ESRRG: variants seen among roughly 807,000 people sequenced by gnomAD.
ESRRG encodes the protein estrogen related receptor gamma, also known as estrogen-related receptor gamma.
In ESRRG, 13 loss-of-function variants were observed where a neutral mutation model predicts 44.0. The ratio of observed to expected loss-of-function variants is 0.30; its 90% CI spans 0.19 to 0.47. The LOEUF is 0.47. Among genes scored for constraint, ESRRG ranks in the 20% least tolerant of loss-of-function variants. The pLI, the probability that ESRRG is intolerant of heterozygous loss-of-function variation, is 1.00. For synonymous variants in ESRRG, 215 were observed against 214.6 expected, an observed-to-expected ratio of 1.00 and a Z score of -0.02; for missense variants, 395 against 580.6, an observed-to-expected ratio of 0.68 and a Z score of 3.29.
At chr1:216,645,714 A>C (rs1252083056) in intron 3 of ESRRG, among the ~76,000 whole-genome samples, 1 of 151,822 alleles carries the variant, frequency 6.6e-6, no homozygotes, top group African/African-American at 2.4e-5. Flanking sequence ...TCTAAGGAAA[A>C]AATTAAAATA....
intron 2 of ESRRG, among the ~76,000 whole-genome samples, chr1:216,815,452 T>A (rs1576854163): frequency 6.6e-6 from 1 of 152,200 alleles, no homozygotes; most frequent in Non-Finnish European, 1.5e-5. Flanking sequence ...TTTGGCATTA[T>A]CTGGAAGGGC....
At chr1:217,121,336 A>G (rs1427051985) in intron 1 of ESRRG, among the ~76,000 whole-genome samples, 1 of 152,168 alleles carries the variant, frequency 6.6e-6, no homozygotes, top group African/African-American at 2.4e-5. Flanking sequence ...TCTGCAAAGC[A>G]ATTTGGACTT....
Position 216,568,116 on chromosome 1 carries a change from C to T in ESRRG, c.590-18G>A. ...ACGCACCCCTGTGAGCAAAGACAGG[C>T]ACCGGCTTACTATTAAGGTAGCTAT... On this transcript the variant is annotated intron_variant, in intron 3 of 6. Coordinates refer to ENST00000408911, the MANE Select transcript of ESRRG (RefSeq NM_001438.4). 2 of 1,539,660 alleles carry T rather than the reference C, an allele frequency of 1.3e-6. No homozygotes were observed. The highest frequency in any genetic ancestry group is 2.2e-5 in the East Asian group (1 of 44,488).
intron 1 of ESRRG, among the ~76,000 whole-genome samples, chr1:217,085,607 C>T (rs1172611317): frequency 2.0e-5 from 3 of 150,122 alleles, no homozygotes; most frequent in Non-Finnish European, 4.4e-5. Context: ...TCTCCTGCCT[C>T]AGCCTCCTGA....
chr1:216,850,794 T>G (rs1169018815), intron 2 of ESRRG, among the ~76,000 whole-genome samples: 1 of 152,028 alleles, frequency 6.6e-6, no homozygotes, highest in Non-Finnish European at 1.5e-5. Flanking sequence ...AAGTTTCATA[T>G]TTTTCATTGA....
intron 1 of ESRRG, among the ~76,000 whole-genome samples, chr1:216,718,001 T>C (rs563542200): frequency 9.2e-5 from 14 of 151,914 alleles, no homozygotes; most frequent in South Asian, 2.1e-4. Flanking sequence ...GTTTCTTTCC[T>C]ATTTTACAAA....
intron 1 of ESRRG, among the ~76,000 whole-genome samples, chr1:217,085,997 G>A (rs2092066152): frequency 6.6e-6 from 1 of 152,102 alleles, no homozygotes; most frequent in Non-Finnish European, 1.5e-5. Flanking sequence ...AGTGACAAGA[G>A]AAAACTTCTT....
At chr1:216,534,875 C>T (rs1289723760) in intron 5 of ESRRG, among the ~76,000 whole-genome samples, 8 of 152,160 alleles carry the variant, frequency 5.3e-5, no homozygotes, top group South Asian at 4.2e-4. Flanking sequence ...CATGTTGGCT[C>T]GTTTCACGAA....
intron 2 of ESRRG, among the ~76,000 whole-genome samples, chr1:216,920,608 T>C (rs2061720626): frequency 6.6e-6 from 1 of 152,196 alleles, no homozygotes; most frequent in African/African-American, 2.4e-5. Flanking sequence ...TATCATCTTG[T>C]GGTGGTTTGT....
intron 2 of ESRRG, among the ~76,000 whole-genome samples, chr1:216,743,939 GC>G (rs1447396535): frequency 6.6e-6 from 1 of 152,136 alleles, no homozygotes; most frequent in Admixed American, 6.5e-5. Context: ...GGAAACTTTT[GC>G]TCTTAATCAT....
At chr1:217,015,731 A>AATTTTTTTT (rs759911532) in intron 1 of ESRRG, among the ~76,000 whole-genome samples, 8,758 of 141,598 alleles carry the variant, frequency 0.062, 398 homozygotes, top group Non-Finnish European at 0.088. Context: ...GGGCAGCTAG[A>AATTTTTTTT]TTTTTTTTTT....
chr1:216,883,926 C>T (rs928151996), intron 2 of ESRRG, among the ~76,000 whole-genome samples: 3 of 152,174 alleles, frequency 2.0e-5, no homozygotes, highest in Admixed American at 2.0e-4. Context: ...TGCTAATGGG[C>T]TGTTCACTTA....
chr1:216,949,115 T>C (rs1183125863), intron 1 of ESRRG, among the ~76,000 whole-genome samples: 1 of 152,136 alleles, frequency 6.6e-6, no homozygotes, highest in Non-Finnish European at 1.5e-5. Flanking sequence ...ATTTATTATG[T>C]TTCCTGTTTT....
Position 216,729,223 on chromosome 1 carries a change from G to A in ESRRG, c.-13-51732C>T, listed in dbSNP as rs779530167. ...GTTTGGGGACCATATGATCCCGTGC[G>A]CTGAGGAAATTTTGGCTTGTGCCAG... On this transcript the variant is annotated intron_variant, in intron 2 of 7. Transcript: ENST00000359162. Among the ~76,000 whole-genome samples the A allele has an allele frequency of 3.3e-5, 5 of 152,178 alleles. No individual in the cohort carries two copies. In the East Asian group the frequency reaches 5.8e-4, roughly 18 times the overall value.
intron 3 of ESRRG, among the ~76,000 whole-genome samples, chr1:216,617,362 A>T (rs1257341172): frequency 1.3e-5 from 2 of 152,260 alleles, no homozygotes; most frequent in African/African-American, 4.8e-5. Flanking sequence ...AAGCAGTCCT[A>T]TTGTTAAAAA....
At chr1:217,095,407 T>C (rs2092408609) in intron 1 of ESRRG, among the ~76,000 whole-genome samples, 1 of 152,220 alleles carries the variant, frequency 6.6e-6, no homozygotes, top group Non-Finnish European at 1.5e-5. Context: ...TGGGCAAGTC[T>C]CTGTGTGCTA....
chr1:216,766,788 T>C (rs1272545963), intron 2 of ESRRG, among the ~76,000 whole-genome samples: 1 of 152,142 alleles, frequency 6.6e-6, no homozygotes, highest in Non-Finnish European at 1.5e-5. Context: ...GGCTCTACCT[T>C]ATCCATCACT....
chr1:216,846,927 GT>G (rs202164242), intron 2 of ESRRG, among the ~76,000 whole-genome samples: 2,932 of 152,084 alleles, frequency 0.019, 112 homozygotes, highest in African/African-American at 0.068. Flanking sequence ...CAGAAAGCAA[GT>G]TTCCAGGAGT....
chr1:216,869,477 A>T (rs756401473), intron 2 of ESRRG, among the ~76,000 whole-genome samples: 21 of 152,272 alleles, frequency 1.4e-4, no homozygotes, highest in African/African-American at 5.0e-4. Flanking sequence ...AAAATCAGAA[A>T]GTATGATTCC....
Sources: gnomAD v4.1 joint callset for allele counts (sites outside exome capture counted in the v4.1 genomes callset) on GRCh38, gnomAD v4.1.1 for gene constraint, MANE v1.5 for transcripts, NCBI Gene and HGNC (gene_info 2026-07-23, HGNC 2026-07-21) for gene names.